Variants in MLLT10 observed in about 807,000 individuals in gnomAD.
MLLT10 encodes the protein protein AF-10.
A neutral mutation model predicts 129.1 loss-of-function variants in MLLT10; 30 were observed. The ratio of observed to expected loss-of-function variants is 0.23; its 90% CI spans 0.17 to 0.32. The LOEUF is 0.32. Ranked by LOEUF, MLLT10 falls within the 10% of genes least tolerant of loss-of-function variation. The pLI is 1.00. For synonymous variants in MLLT10, 490 were observed against 446.4 expected (o/e 1.10, Z -1.23); for missense variants, 1,119 against 1,268.3 (o/e 0.88, Z 1.79).
chr10:21,613,192 CAAA>C (rs993493277), intron 6 of MLLT10, among the ~76,000 whole-genome samples: 25 of 24,638 alleles, frequency 1.0e-3, no homozygotes, highest in African/African-American at 3.3e-3. Context: ...GACTCTGTCT[CAAA>C]AAAAAAAAAA....
At chr10:21,656,463 A>G (rs2049599556) in intron 9 of MLLT10, among the ~76,000 whole-genome samples, 1 of 152,296 alleles carries the variant, frequency 6.6e-6, no homozygotes, top group East Asian at 1.9e-4. Context: ...TAATTTTTAA[A>G]TGTCTGTATC....
At chr10:21,600,790 G>A (rs2043450427) in intron 5 of MLLT10, among the ~76,000 whole-genome samples, 1 of 151,904 alleles carries the variant, frequency 6.6e-6, no homozygotes, top group Non-Finnish European at 1.5e-5. Context: ...TTTTCTATTT[G>A]ACTTCTCTCT....
chr10:21,585,220 G>A (rs774012457), intron 3 of MLLT10, among the ~76,000 whole-genome samples: 6 of 151,914 alleles, frequency 3.9e-5, no homozygotes, highest in Non-Finnish European at 7.4e-5. Context: ...CACTGTGCCC[G>A]GCCTATATTA....
chr10:21,593,242 A>C (rs187182803), intron 4 of MLLT10, among the ~76,000 whole-genome samples: 107 of 152,066 alleles, frequency 7.0e-4, no homozygotes, highest in Admixed American at 4.5e-3. Flanking sequence ...CTATAGGTGC[A>C]TGCTGCCGCA....
At chr10:21,670,344 T>G (rs990980808) in intron 9 of MLLT10, 105 bp from the exon 10 acceptor site, 35 of 1,083,724 alleles carry the variant, frequency 3.2e-5, no homozygotes, top group Non-Finnish European at 3.9e-5. Context: ...AACAGAAACT[T>G]TGTGTTTATT....
chr10:21,737,961 G>GT (rs1163295174), intron 21 of MLLT10, among the ~76,000 whole-genome samples: 2 of 152,108 alleles, frequency 1.3e-5, no homozygotes, highest in Admixed American at 6.6e-5. Flanking sequence ...CACACTGCAT[G>GT]TAAGTGTATA....
At chr10:21,723,072 C>T (rs934631738) in intron 14 of MLLT10, among the ~76,000 whole-genome samples, 2 of 152,182 alleles carry the variant, frequency 1.3e-5, no homozygotes, top group African/African-American at 4.8e-5. Context: ...TTGGTCATTT[C>T]CAATAATACT....
chr10:21,557,183 C>G (rs2038141790), intron 3 of MLLT10: 6 of 1,308,898 alleles, frequency 4.6e-6, no homozygotes, highest in Non-Finnish European at 4.9e-6. Context: ...TTCACTTCTT[C>G]AAATGCCTAC....
intron 8 of MLLT10, among the ~76,000 whole-genome samples, chr10:21,641,675 A>G (rs1481674675): frequency 1.3e-5 from 2 of 152,150 alleles, no homozygotes; most frequent in Non-Finnish European, 1.5e-5. Flanking sequence ...CCCTTACCAC[A>G]AGAAATATTA....
At chr10:21,697,601 T>C (rs762619138) in intron 13 of MLLT10, among the ~76,000 whole-genome samples, 17 of 152,238 alleles carry the variant, frequency 1.1e-4, no homozygotes, top group Non-Finnish European at 2.4e-4. Context: ...AATGTTCATC[T>C]TTAATAAAGC....
intron 4 of MLLT10, among the ~76,000 whole-genome samples, chr10:21,589,704 A>C (rs982326799): frequency 9.9e-5 from 15 of 152,122 alleles, no homozygotes; most frequent in Non-Finnish European, 1.9e-4. Context: ...TTTAAGAATT[A>C]TAGTGGTTTT....
chr10:21,545,138 T>A (rs1421672084), intron 3 of MLLT10, among the ~76,000 whole-genome samples: 1 of 151,164 alleles, frequency 6.6e-6, no homozygotes, highest in Non-Finnish European at 1.5e-5. Flanking sequence ...AGAGTGAAGC[T>A]CCATCTCAGA....
intron 8 of MLLT10, among the ~76,000 whole-genome samples, chr10:21,637,291 A>C (rs1193803749): frequency 6.6e-6 from 1 of 152,216 alleles, no homozygotes; most frequent in East Asian, 1.9e-4. Flanking sequence ...CATAGGATGC[A>C]TATTTACAGG....
chr10:21,557,116 G>T, intron 3 of MLLT10: 1 of 1,390,138 alleles, frequency 7.2e-7, no homozygotes. Context: ...TTACATTTTT[G>T]CCCTTTTGTC....
chr10:21,637,437 C>T (rs2047567609), intron 8 of MLLT10, among the ~76,000 whole-genome samples: 1 of 152,150 alleles, frequency 6.6e-6, no homozygotes, highest in African/African-American at 2.4e-5. Context: ...CCTTGACTGC[C>T]AGAGGAATCT....
At chr10:21,607,133 A>T (rs2044138226) in intron 5 of MLLT10, among the ~76,000 whole-genome samples, 1 of 152,116 alleles carries the variant, frequency 6.6e-6, no homozygotes, top group Non-Finnish European at 1.5e-5. Context: ...CACCTCAGTG[A>T]GTCAGAAGCC....
intron 16 of MLLT10, 83 bp downstream of exon 16, chr10:21,728,011 T>G: frequency 5.4e-6 from 6 of 1,116,400 alleles, no homozygotes; most frequent in Non-Finnish European, 6.6e-6. Context: ...CAGTAGAGTG[T>G]ACATTTGTGA....
intron 8 of MLLT10, 34 bp from the exon 9 acceptor site, chr10:21,651,639 A>T: frequency 6.7e-7 from 1 of 1,501,578 alleles, no homozygotes; most frequent in Non-Finnish European, 9.2e-7. Context: ...TTATAGTTAA[A>T]TTAAAATTGG....
In MLLT10 at chr10:21,534,333, C is replaced by G; in HGVS notation, c.-188C>G. ...CCCCCCTCCCCCCAGTGCGCCTGTG[C>G]GGAGGCCCTCTTGATTATGTGTGCC... On this transcript the variant is annotated 5_prime_UTR_variant, in exon 1 of 23. Coordinates refer to ENST00000307729, the MANE Select transcript of MLLT10 (RefSeq NM_001195626.3). The G allele has an allele frequency of 3.3e-6, 1 of 298,748 alleles. No homozygotes were observed. Among genetic ancestry groups the G allele is most frequent in the Non-Finnish European group, 6.4e-6 (1 of 156,656 alleles). 18.5% of individuals were successfully genotyped at this position (298,748 alleles called of 1,614,324 possible). A position where few individuals can be genotyped will look rare whatever the true frequency, so the allele number is the denominator to read the frequency against.
Sources: allele counts gnomAD v4.1 joint callset (sites outside exome capture counted in the v4.1 genomes callset), GRCh38; gene constraint gnomAD v4.1.1; transcripts MANE v1.5; gene names NCBI Gene and HGNC (gene_info 2026-07-23, HGNC 2026-07-21).